NAV2: variants seen among roughly 807,000 people sequenced by gnomAD.
NAV2 encodes helicase, APC down-regulated 1.
Under a neutral mutation model 223.2 loss-of-function variants are expected in NAV2, and 54 were observed. The observed-to-expected ratio is 0.24, with a 90% CI of 0.19 to 0.30. NAV2 has a LOEUF of 0.30. NAV2 is among the 10% of genes least tolerant of loss of function. The pLI, the probability that NAV2 is intolerant of heterozygous loss-of-function variation, is 1.00. For missense variants in NAV2, 2,806 were observed against 3,147.5 expected, an observed-to-expected ratio of 0.89 and a Z score of 2.60; for synonymous variants, 1,279 against 1,239.3, an observed-to-expected ratio of 1.03 and a Z score of -0.67.
intron 12 of NAV2, 118 bp downstream of exon 12, chr11:20,036,215 G>C: frequency 2.5e-6 from 3 of 1,204,416 alleles, no homozygotes; most frequent in Non-Finnish European, 3.5e-6. Flanking sequence ...ATGAGATGAG[G>C]CCCAGCCTCC....
chr11:19,374,318 T>G (rs1156483482), intron 1 of NAV2, among the ~76,000 whole-genome samples: 7 of 148,018 alleles, frequency 4.7e-5, no homozygotes, highest in Admixed American at 1.3e-4. Context: ...GGTTTTTTTT[T>G]TTTTTTTTTT....
intron 10 of NAV2, among the ~76,000 whole-genome samples, chr11:19,957,828 G>A (rs1321772875): frequency 6.6e-6 from 1 of 152,208 alleles, no homozygotes; most frequent in Non-Finnish European, 1.5e-5. Context: ...GTGTGGTCCA[G>A]CTTTGACGTG....
At chr11:19,939,834 G>T (rs2046251203) in intron 8 of NAV2, 61 bp downstream of exon 8, 2 of 1,211,326 alleles carry the variant, frequency 1.7e-6, no homozygotes, top group African/African-American at 3.0e-5. Context: ...CGCAATACCT[G>T]CTGGAACAGC....
intron 11 of NAV2, among the ~76,000 whole-genome samples, chr11:19,991,285 C>T (rs1721272700): frequency 6.6e-6 from 1 of 151,986 alleles, no homozygotes; most frequent in African/African-American, 2.4e-5. Context: ...GCCACTGCAC[C>T]CGGCTAATTT....
At chr11:19,525,294 C>G (rs945896076) in intron 1 of NAV2, among the ~76,000 whole-genome samples, 9 of 152,112 alleles carry the variant, frequency 5.9e-5, no homozygotes, top group African/African-American at 2.2e-4. Flanking sequence ...CTCCAGTGGC[C>G]CCTTTCCTAC....
chr11:20,051,415 G>T (rs1362141328), intron 17 of NAV2, 82 bp downstream of exon 17: 1 of 1,359,510 alleles, frequency 7.4e-7, no homozygotes, highest in Non-Finnish European at 1.1e-6. Flanking sequence ...GGCTGGTGGG[G>T]GTTTGGGCTG....
At chr11:19,424,709 G>T (rs2133535217) in intron 1 of NAV2, among the ~76,000 whole-genome samples, 1 of 150,412 alleles carries the variant, frequency 6.6e-6, no homozygotes, top group East Asian at 1.9e-4. Context: ...CCACACGTCT[G>T]GCTATTTTTT....
Position 20,044,145 on chromosome 11 carries a change from G to A in NAV2, c.3072G>A (p.Ser1024=), listed in dbSNP as rs745911363. 1.5e-5 allele frequency: 24 copies of A among 1,614,024 alleles called. No individual in the cohort carries two copies. The highest frequency in any genetic ancestry group is 5.0e-5 in the Admixed American group (3 of 59,996). ...CTGACGAGTCCGACAAAAGCACGTC[G>A]GGCAAGAAGAATCCTGTCATCTCCC... ...DVSDESDKST[S]GKKNPVISQT... is the part of the protein sequence containing the mutation. The change falls in exon 13 of 38, where the codon TCG becomes TCA. Residue 1024 remains serine, a synonymous_variant. Coordinates refer to ENST00000349880, the MANE Select transcript of NAV2 (RefSeq NM_145117.5).
chr11:20,046,709 A>C (rs770520933), intron 14 of NAV2, among the ~76,000 whole-genome samples: 5 of 152,114 alleles, frequency 3.3e-5, no homozygotes, highest in Non-Finnish European at 7.4e-5. Flanking sequence ...ACATTTTCAC[A>C]CTGGGTGGAA....
At chr11:19,393,196 C>T (rs1225840543) in intron 1 of NAV2, among the ~76,000 whole-genome samples, 1 of 152,182 alleles carries the variant, frequency 6.6e-6, no homozygotes, top group East Asian at 1.9e-4. Flanking sequence ...TACCTGGGGA[C>T]TGTAATATTT....
At chr11:19,515,995 A>G (rs2043434163) in intron 1 of NAV2, among the ~76,000 whole-genome samples, 1 of 151,060 alleles carries the variant, frequency 6.6e-6, no homozygotes, top group Admixed American at 6.6e-5. Context: ...AATAGCAGGA[A>G]TTTGGTTTTA....
intron 1 of NAV2, among the ~76,000 whole-genome samples, chr11:19,563,327 G>T (rs1018731998): frequency 2.6e-5 from 4 of 152,126 alleles, no homozygotes; most frequent in Non-Finnish European, 5.9e-5. Context: ...TACAGAGTTG[G>T]GTGCCAGGAC....
intron 1 of NAV2, among the ~76,000 whole-genome samples, chr11:19,560,984 C>G (rs1293716174): frequency 1.3e-5 from 2 of 152,320 alleles, no homozygotes; most frequent in African/African-American, 4.8e-5. Flanking sequence ...TTTCAAAGGG[C>G]AGGAAAGGAT....
rs2243624 is a variant in NAV2, at chr11:20,090,871, A to C, written c.5505A>C (p.Ser1835=). ...LRNSHSNSLI[S]ECMDSEAETV... is the part of the protein sequence containing the mutation. ...AACATTCCTCTTTCCCTAGAATTTC[A>C]GAATGCATGGATAGTGAAGCTGAGA... Residue 1835 remains serine (S), a synonymous_variant, in exon 27 of 38, where the codon TCA becomes TCC. Coordinates refer to ENST00000349880, the MANE Select transcript of NAV2 (RefSeq NM_145117.5). 0.33 allele frequency: 534,840 copies of C among 1,612,972 alleles called. 93,219 individuals are homozygous for C. The highest frequency in any genetic ancestry group is 0.62 in the East Asian group (27,680 of 44,832).
intron 1 of NAV2, among the ~76,000 whole-genome samples, chr11:19,488,749 C>A (rs1254454713): frequency 6.6e-6 from 1 of 152,160 alleles, no homozygotes; most frequent in Non-Finnish European, 1.5e-5. Context: ...TTATTATTGA[C>A]ATAATTATAT....
In NAV2 at chr11:20,100,939, C is replaced by T. The variant is rs750232905; in HGVS notation, c.6184C>T (p.Leu2062Phe). 1.2e-5 allele frequency: 20 copies of T among 1,613,748 alleles called. No individual in the cohort carries two copies. The South Asian group carries it at 2.2e-4, about 18-fold the overall frequency. ...NTTISVTVKGLAENSLDSLVF... is the reference protein window; with the variant it reads ...NTTISVTVKGFAENSLDSLVF... ...ATTCCTGTCTCTCTCAAATGCAGGGCTCGCAGAAAACAGCCTGGACTCACT... is the reference window on the plus strand; with the variant it reads ...ATTCCTGTCTCTCTCAAATGCAGGGTTCGCAGAAAACAGCCTGGACTCACT... Residue 2062 changes from leucine to phenylalanine, a missense_variant and splice_region_variant, in exon 32 of 38, where the codon CTC becomes TTC. Leu to Phe is a conservative substitution (Grantham distance 22). This residue lies in a region of NAV2 where 824 missense variants were observed against 1,069.4 expected (regional missense o/e 0.77). Coordinates refer to ENST00000349880, the MANE Select transcript of NAV2 (RefSeq NM_145117.5).
At chr11:19,847,720 C>G (rs1234770812) in intron 3 of NAV2, among the ~76,000 whole-genome samples, 2 of 152,078 alleles carry the variant, frequency 1.3e-5, no homozygotes, top group South Asian at 4.2e-4. Context: ...AAAATATAAC[C>G]AAAGCTTACA....
intron 10 of NAV2, among the ~76,000 whole-genome samples, chr11:19,964,164 G>C (rs1205290369): frequency 1.3e-5 from 2 of 152,140 alleles, no homozygotes; most frequent in Non-Finnish European, 2.9e-5. Context: ...GAGAGAGAGG[G>C]AGAGAGACAG....
intron 1 of NAV2, among the ~76,000 whole-genome samples, chr11:19,823,780 G>A (rs1021012694): frequency 1.3e-5 from 2 of 152,158 alleles, no homozygotes; most frequent in African/African-American, 4.8e-5. Flanking sequence ...GGGACTCGGG[G>A]GCTAGGGGAA....
Sources: gnomAD v4.1 joint callset for allele counts (sites outside exome capture counted in the v4.1 genomes callset) on GRCh38, gnomAD v4.1.1 for gene constraint, gnomAD v4.1.1 regional missense constraint, MANE v1.5 for transcripts, NCBI Gene and HGNC (gene_info 2026-07-23, HGNC 2026-07-21) for gene names.